The following DOK6 variants were observed in gnomAD, a reference collection of about 807,000 sequenced individuals.
DOK6 encodes the protein docking protein 6.
In DOK6, 22 loss-of-function variants were observed where a neutral mutation model predicts 44.0. That is an observed-to-expected ratio of 0.50 (90% CI 0.36 to 0.71). DOK6 has a LOEUF of 0.71. Among genes scored for constraint, DOK6 ranks in the 30% least tolerant of loss-of-function variants. DOK6 has a pLI of 0.00. For missense variants in DOK6, 340 were observed against 416.4 expected, an observed-to-expected ratio of 0.82 and a Z score of 1.60; for synonymous variants, 166 against 145.5, an observed-to-expected ratio of 1.14 and a Z score of -1.01.
intron 1 of DOK6, among the ~76,000 whole-genome samples, chr18:69,444,258 CT>C (rs1979216952): frequency 6.6e-6 from 1 of 152,152 alleles, no homozygotes; most frequent in Non-Finnish European, 1.5e-5. Flanking sequence ...GCAGCCTAGG[CT>C]GGTTCACTTG....
chr18:69,779,316 A>G (rs1568124119), intron 7 of DOK6, among the ~76,000 whole-genome samples: 2 of 152,142 alleles, frequency 1.3e-5, no homozygotes, highest in African/African-American at 4.8e-5. Context: ...AGATGTCCGG[A>G]TAACAGTGGA....
At chr18:69,769,345 G>A (rs1979820011) in intron 7 of DOK6, among the ~76,000 whole-genome samples, 1 of 151,986 alleles carries the variant, frequency 6.6e-6, no homozygotes, top group African/African-American at 2.4e-5. Flanking sequence ...CCTCTCTAGT[G>A]TATATTTGAA....
At chr18:69,752,838 G>A (rs1208998297) in intron 6 of DOK6, among the ~76,000 whole-genome samples, 3 of 152,118 alleles carry the variant, frequency 2.0e-5, no homozygotes, top group Non-Finnish European at 4.4e-5. Context: ...GGGGTCATGT[G>A]GAGCAGCCAG....
chr18:69,598,120 G>A (rs534620357), intron 2 of DOK6, among the ~76,000 whole-genome samples: 7 of 151,874 alleles, frequency 4.6e-5, no homozygotes, highest in African/African-American at 1.7e-4. Flanking sequence ...ATAGTGTAAT[G>A]TTAAATACAG....
intron 4 of DOK6, among the ~76,000 whole-genome samples, chr18:69,685,933 G>A (rs995421385): frequency 3.3e-5 from 5 of 151,924 alleles, no homozygotes; most frequent in Admixed American, 2.6e-4. Context: ...TGTATTTTGT[G>A]GGCTGAATTT....
At chr18:69,588,569 T>C (rs1983557519) in intron 2 of DOK6, among the ~76,000 whole-genome samples, 1 of 152,102 alleles carries the variant, frequency 6.6e-6, no homozygotes, top group East Asian at 1.9e-4. Flanking sequence ...TCATATTCCC[T>C]TTTCTAAACT....
At chr18:69,437,638 G>T (rs1301501050) in intron 1 of DOK6, among the ~76,000 whole-genome samples, 2 of 152,122 alleles carry the variant, frequency 1.3e-5, no homozygotes, top group Non-Finnish European at 2.9e-5. Context: ...GCTTAGGATT[G>T]TTTTGGCTAT....
intron 3 of DOK6, among the ~76,000 whole-genome samples, chr18:69,639,112 T>C (rs1418547388): frequency 1.3e-5 from 2 of 152,152 alleles, no homozygotes; most frequent in African/African-American, 4.8e-5. Flanking sequence ...GTCTAGAAGA[T>C]GCAAATAAAA....
At chr18:69,500,846 A>G (rs1331123423) in intron 1 of DOK6, among the ~76,000 whole-genome samples, 11 of 152,154 alleles carry the variant, frequency 7.2e-5, no homozygotes, top group Non-Finnish European at 1.2e-4. Flanking sequence ...AAGGTGAGTG[A>G]TCTAACTACT....
chr18:69,807,109 G>A (rs1429617447), intron 7 of DOK6, among the ~76,000 whole-genome samples: 2 of 151,508 alleles, frequency 1.3e-5, no homozygotes, highest in Non-Finnish European at 3.0e-5. Context: ...TTAGCGTGTG[G>A]GCCCCAAATT....
intron 3 of DOK6, among the ~76,000 whole-genome samples, chr18:69,669,152 G>A (rs895138020): frequency 6.6e-6 from 1 of 152,166 alleles, no homozygotes; most frequent in Non-Finnish European, 1.5e-5. Flanking sequence ...TCAGGGGAGT[G>A]CATGTGCAGG....
At chr18:69,765,170 A>G (rs1218292074) in intron 7 of DOK6, among the ~76,000 whole-genome samples, 1 of 152,208 alleles carries the variant, frequency 6.6e-6, no homozygotes, top group Non-Finnish European at 1.5e-5. Context: ...TTGTATATAA[A>G]TTGCTTCTAT....
intron 5 of DOK6, among the ~76,000 whole-genome samples, chr18:69,726,379 C>T (rs1020856624): frequency 6.6e-6 from 1 of 152,076 alleles, no homozygotes; most frequent in East Asian, 1.9e-4. Flanking sequence ...ATTTGCTACT[C>T]TCTCAACTCA....
intron 2 of DOK6, among the ~76,000 whole-genome samples, chr18:69,596,664 G>A (rs753002567): frequency 2.0e-5 from 3 of 152,136 alleles, no homozygotes; most frequent in South Asian, 2.1e-4. Context: ...TAAAGGCATC[G>A]TGAGACAGAC....
chr18:69,540,740 G>A (rs1442662), intron 1 of DOK6, among the ~76,000 whole-genome samples: 1 of 151,844 alleles, frequency 6.6e-6, no homozygotes, highest in Non-Finnish European at 1.5e-5. Context: ...ACTTATCTTA[G>A]TGAAATTAAT....
At chr18:69,533,360 G>T (rs149072261) in intron 1 of DOK6, among the ~76,000 whole-genome samples, 1 of 151,976 alleles carries the variant, frequency 6.6e-6, no homozygotes, top group African/African-American at 2.4e-5. Context: ...ATTATTTTTA[G>T]TGTGGCTTGT....
At chr18:69,747,342 C>A (rs1276515046) in intron 6 of DOK6, among the ~76,000 whole-genome samples, 1 of 152,102 alleles carries the variant, frequency 6.6e-6, no homozygotes, top group Non-Finnish European at 1.5e-5. Flanking sequence ...TGTAAATGAA[C>A]ACAAATTAGC....
At chr18:69,746,194 A>G (rs1978979425) in intron 6 of DOK6, among the ~76,000 whole-genome samples, 1 of 152,190 alleles carries the variant, frequency 6.6e-6, no homozygotes, top group African/African-American at 2.4e-5. Flanking sequence ...TTCTGCTGTT[A>G]TTCTCAAACT....
chr18:69,438,668 G>A (rs998775600), intron 1 of DOK6, among the ~76,000 whole-genome samples: 3 of 152,194 alleles, frequency 2.0e-5, no homozygotes, highest in African/African-American at 7.2e-5. Context: ...ATCACCATTT[G>A]TGGCAGCTAC....
Sources: gnomAD v4.1 joint callset for allele counts (sites outside exome capture counted in the v4.1 genomes callset) on GRCh38, gnomAD v4.1.1 for gene constraint, MANE v1.5 for transcripts, NCBI Gene and HGNC (gene_info 2026-07-23, HGNC 2026-07-21) for gene names.